The following PTPRE variants were observed in gnomAD, a reference collection of about 807,000 sequenced individuals.
PTPRE encodes protein tyrosine phosphatase receptor type E.
A neutral mutation model predicts 102.0 loss-of-function variants in PTPRE; 51 were observed. The observed-to-expected ratio is 0.50, with a 90% CI of 0.40 to 0.63. The LOEUF is 0.63. PTPRE is among the 30% of genes least tolerant of loss of function. The probability of loss-of-function intolerance (pLI) is 0.00; values close to 1 mark genes in which losing one functional copy is unlikely to be tolerated. For missense variants in PTPRE, 752 were observed against 915.1 expected (o/e 0.82, Z 2.30); for synonymous variants, 345 against 348.2 (o/e 0.99, Z 0.10).
intron 1 of PTPRE, among the ~76,000 whole-genome samples, chr10:127,919,990 G>A (rs538971985): frequency 1.6e-4 from 24 of 152,036 alleles, no homozygotes; most frequent in African/African-American, 5.3e-4. Flanking sequence ...TTCTTTAGTG[G>A]CTTGGCATCT....
intron 2 of PTPRE, among the ~76,000 whole-genome samples, chr10:127,984,719 A>G (rs1289030904): frequency 6.6e-6 from 1 of 152,110 alleles, no homozygotes; most frequent in Non-Finnish European, 1.5e-5. Flanking sequence ...TGGTTTTTTA[A>G]GGGGTTTCCA....
At chr10:128,047,335 T>C in intron 3 of PTPRE, 55 bp from the exon 4 acceptor site, 3 of 1,584,382 alleles carry the variant, frequency 1.9e-6, no homozygotes, top group Non-Finnish European at 2.6e-6. Flanking sequence ...AGGGAGACTC[T>C]TTTGCAAACT....
intron 2 of PTPRE, among the ~76,000 whole-genome samples, chr10:128,036,451 A>T (rs1847226788): frequency 6.6e-6 from 1 of 152,172 alleles, no homozygotes. Context: ...GTGAGGGTTG[A>T]TGAGGTCATT....
intron 1 of PTPRE, among the ~76,000 whole-genome samples, chr10:127,971,071 T>C (rs370094710): frequency 3.0e-4 from 46 of 152,328 alleles, no homozygotes; most frequent in African/African-American, 9.1e-4. Context: ...CAGAGGTCTC[T>C]GTGTCCTTTG....
At chr10:127,970,348 G>A (rs138714462) in intron 1 of PTPRE, among the ~76,000 whole-genome samples, 1,555 of 152,232 alleles carry the variant, frequency 0.01, 22 homozygotes, top group African/African-American at 0.033. Context: ...ACAGCTTTGC[G>A]GATGAAAGGG....
In PTPRE at chr10:128,085,127, G is replaced by A. The variant is rs536506716; in HGVS notation, c.*2221G>A. The stretch of plus-strand genomic sequence containing the variant: ...CGCAAGACTCTCCCCTCCACTGTCC[G>A]GGACAGCGTTCGCCCTTTAGCGGGG... On this transcript the variant is annotated 3_prime_UTR_variant, in exon 21 of 21. Coordinates refer to ENST00000254667, the MANE Select transcript of PTPRE (RefSeq NM_006504.6). 18 of 456,076 alleles carry A rather than the reference G, an allele frequency of 3.9e-5. No individual in the cohort carries two copies. Among genetic ancestry groups the A allele is most frequent in the East Asian group, 2.1e-4 (3 of 14,390 alleles). The allele number at this position is 456,076 out of a possible 1,614,324, so 28.3% of individuals were successfully genotyped here. A position where few individuals can be genotyped will look rare whatever the true frequency, so the allele number is the denominator to read the frequency against.
chr10:127,923,569 A>T lies in PTPRE; in HGVS notation c.-31+16260A>T, dbSNP rs571170039. Among the ~76,000 whole-genome samples, 39 of 151,906 alleles carry T rather than the reference A, an allele frequency of 2.6e-4. No individual in the cohort carries two copies. The South Asian group carries it at 7.1e-3, about 28-fold the overall frequency. On this transcript the variant is annotated intron_variant, in intron 1 of 20. Coordinates refer to ENST00000254667, the MANE Select transcript of PTPRE (RefSeq NM_006504.6). Reference sequence around the variant, plus strand: ...CAGGCGCCCGCCACCATGCTTGGCTAATTTTTGTATTTTTAGTAAGGACTG... The same window carrying T: ...CAGGCGCCCGCCACCATGCTTGGCTTATTTTTGTATTTTTAGTAAGGACTG...
intron 17 of PTPRE, among the ~76,000 whole-genome samples, chr10:128,073,842 A>G (rs1043305640): frequency 6.6e-6 from 1 of 152,208 alleles, no homozygotes; most frequent in African/African-American, 2.4e-5. Flanking sequence ...ATGTACATCT[A>G]TCTGGGTTCT....
chr10:127,990,844 A>T (rs1179718024), intron 2 of PTPRE, among the ~76,000 whole-genome samples: 1 of 152,196 alleles, frequency 6.6e-6, no homozygotes, highest in East Asian at 1.9e-4. Context: ...TTAATGGAAA[A>T]TTTTTATTTG....
At chr10:128,073,502 A>AG (rs3216057) in intron 17 of PTPRE, 31 bp downstream of exon 17, 341,718 of 1,605,666 alleles carry the variant, frequency 0.21, 37,205 homozygotes, top group African/African-American at 0.27. Context: ...CGGTCCCTCC[A>AG]GGGCAGCCTG....
intron 7 of PTPRE, among the ~76,000 whole-genome samples, chr10:128,058,286 C>A (rs1321994227): frequency 6.6e-6 from 1 of 152,186 alleles, no homozygotes; most frequent in Non-Finnish European, 1.5e-5. Context: ...CACTGCAAGT[C>A]TTCTCTGAGC....
intron 2 of PTPRE, among the ~76,000 whole-genome samples, chr10:128,037,557 GCCTGA>G (rs1161853852): frequency 6.6e-6 from 1 of 152,160 alleles, no homozygotes; most frequent in Non-Finnish European, 1.5e-5. Flanking sequence ...TTACCTGGCT[GCCTGA>G]CCTAAGAACT....
intron 6 of PTPRE, among the ~76,000 whole-genome samples, chr10:128,050,949 A>G (rs1194782052): frequency 6.6e-6 from 1 of 152,216 alleles, no homozygotes; most frequent in Non-Finnish European, 1.5e-5. Flanking sequence ...TTTTTGGTGC[A>G]AGCCTCCTCT....
Position 127,907,583 on chromosome 10 carries a change from T to A in PTPRE, c.-31+274T>A, listed in dbSNP as rs552077900. Among the ~76,000 whole-genome samples, 30 of 151,396 alleles carry A rather than the reference T, an allele frequency of 2.0e-4. No homozygotes were observed. The South Asian group carries it at 5.7e-3, about 29-fold the overall frequency. On this transcript the variant is annotated intron_variant, in intron 1 of 20. Coordinates refer to ENST00000254667, the MANE Select transcript of PTPRE (RefSeq NM_006504.6). This position sits in a 1 kb window ranked among gnomAD's most constrained non-coding sequence, Gnocchi z 4.8. ...CCACAGTGGCAGTGCTCACGCTCCCTCTCGGTAAACAGGAGGAGGGCGCGC... is the reference window on the plus strand; with the variant it reads ...CCACAGTGGCAGTGCTCACGCTCCCACTCGGTAAACAGGAGGAGGGCGCGC...
intron 1 of PTPRE, among the ~76,000 whole-genome samples, chr10:127,968,099 G>T (rs1328572677): frequency 1.3e-5 from 2 of 150,604 alleles, no homozygotes; most frequent in Non-Finnish European, 2.9e-5. Context: ...CAAAAGGCAG[G>T]TTCACATGGT....
intron 1 of PTPRE, among the ~76,000 whole-genome samples, chr10:127,910,660 T>C (rs535157056): frequency 6.6e-6 from 1 of 152,346 alleles, no homozygotes; most frequent in African/African-American, 2.4e-5. Context: ...TCATCGCTAC[T>C]TCCCAGGGCT....
intron 16 of PTPRE, chr10:128,072,624 C>T (rs1850873268): frequency 7.6e-6 from 1 of 132,332 alleles, no homozygotes; most frequent in South Asian, 2.3e-4. Context: ...TGTACTCCAA[C>T]CTGGGCAACA....
intron 7 of PTPRE, among the ~76,000 whole-genome samples, chr10:128,059,184 T>C (rs2135933126): frequency 6.6e-6 from 1 of 152,364 alleles, no homozygotes; most frequent in African/African-American, 2.4e-5. Flanking sequence ...TTCCAAATTA[T>C]TTTCAACTAG....
At chr10:128,062,558 G>C (rs936224347) in intron 9 of PTPRE, among the ~76,000 whole-genome samples, 6 of 152,188 alleles carry the variant, frequency 3.9e-5, no homozygotes, top group African/African-American at 1.4e-4. Flanking sequence ...CACTTAGCTC[G>C]GGACTGCAAA....
Sources: allele counts gnomAD v4.1 joint callset (sites outside exome capture counted in the v4.1 genomes callset), GRCh38; gene constraint gnomAD v4.1.1; non-coding constraint Gnocchi (gnomAD v3.1); transcripts MANE v1.5; gene names NCBI Gene and HGNC (gene_info 2026-07-23, HGNC 2026-07-21).